Variants in PRKN observed in about 807,000 individuals in gnomAD.
The protein encoded by PRKN is E3 ubiquitin-protein ligase parkin.
In PRKN, 56 loss-of-function variants were observed where a neutral mutation model predicts 59.5. That is an observed-to-expected ratio of 0.94 (90% CI 0.76 to 1.18). PRKN has a LOEUF of 1.18. Among genes scored for constraint, PRKN ranks in the 50% most tolerant of loss-of-function variants. The pLI, the probability that PRKN is intolerant of heterozygous loss-of-function variation, is 0.00. For synonymous variants in PRKN, 250 were observed against 222.1 expected, an observed-to-expected ratio of 1.13 and a Z score of -1.12; for missense variants, 657 against 596.4, an observed-to-expected ratio of 1.10 and a Z score of -1.06.
intron 1 of PRKN, among the ~76,000 whole-genome samples, chr6:162,665,656 C>T (rs562683035): frequency 4.6e-5 from 7 of 152,272 alleles, no homozygotes; most frequent in South Asian, 2.1e-4. Context: ...CTGCCATTGA[C>T]ATTCTTCACA....
At chr6:162,234,638 C>T (rs4385285) in intron 3 of PRKN, among the ~76,000 whole-genome samples, 63,611 of 152,006 alleles carry the variant, frequency 0.42, 15,215 homozygotes, top group East Asian at 0.78. Context: ...AAGAGCTGTG[C>T]TAATACTTTT....
At chr6:162,659,900 C>A (rs1259392185) in intron 1 of PRKN, among the ~76,000 whole-genome samples, 2 of 152,048 alleles carry the variant, frequency 1.3e-5, no homozygotes, top group Non-Finnish European at 2.9e-5. Context: ...TATTTATCAG[C>A]AAAGAAAACA....
rs141127442 is a variant in PRKN at position 162,341,574 on chromosome 6, G to A, written c.172-78809C>T. Among the ~76,000 whole-genome samples the A allele has an allele frequency of 4.5e-3, 685 of 152,256 alleles. 7 individuals carry two copies. Among genetic ancestry groups the A allele is most frequent in the African/African-American group, 0.016 (648 of 41,540 alleles). On this transcript the variant is annotated intron_variant, in intron 2 of 11. Coordinates refer to ENST00000366898, the MANE Select transcript of PRKN (RefSeq NM_004562.3). ...CATATACACTGTGGAATACTATGCA[G>A]CTATAAAAAAGGATGAGTTCATGTC...
intron 9 of PRKN, among the ~76,000 whole-genome samples, chr6:161,449,412 CT>C (rs1789628111): frequency 6.6e-6 from 1 of 152,164 alleles, no homozygotes; most frequent in Non-Finnish European, 1.5e-5. Flanking sequence ...CGTATGTACT[CT>C]CCCACTGCTC....
intron 2 of PRKN, among the ~76,000 whole-genome samples, chr6:162,407,814 C>A (rs1442382130): frequency 6.6e-6 from 1 of 152,152 alleles, no homozygotes; most frequent in East Asian, 1.9e-4. Context: ...GTGTTAATGT[C>A]TTGCTAGAGC....
At chr6:162,665,977 A>C (rs1335436425) in intron 1 of PRKN, among the ~76,000 whole-genome samples, 2 of 152,218 alleles carry the variant, frequency 1.3e-5, no homozygotes, top group Non-Finnish European at 1.5e-5. Flanking sequence ...GGCTCGACAT[A>C]TGCGGAAAAC....
rs759676993 is a variant in PRKN, at chr6:161,386,873, G to T, written c.1088C>A (p.Ala363Asp). 6.2e-7 allele frequency: 1 copy of T among 1,613,446 alleles called. No individual in the cohort carries two copies. Among genetic ancestry groups the T allele is most frequent in the African/African-American group, 1.3e-5 (1 of 74,894 alleles). Residue 363 changes from alanine (A) to aspartate (D), a missense_variant, in exon 10 of 12, where the codon GCC becomes GAC. Physicochemically the swap from Ala to Asp is moderately radical, Grantham distance 126 (BLOSUM62 -2). Transcript: ENST00000366898. This position sits in a 1 kb window ranked among gnomAD's most constrained non-coding sequence, Gnocchi z 4.3. Reference sequence around the variant, plus strand: ...CGCTTCTTTACATTCCCGGCAGAAGGCAAACTGCAAAAGAACACACATCCA... The same window carrying T: ...CGCTTCTTTACATTCCCGGCAGAAGTCAAACTGCAAAAGAACACACATCCA... ...EGGNGLGCGF[A>D]FCRECKEAYH...
At chr6:162,069,588 C>A (rs1366833247) in intron 4 of PRKN, among the ~76,000 whole-genome samples, 1 of 152,206 alleles carries the variant, frequency 6.6e-6, no homozygotes, top group South Asian at 2.1e-4. Flanking sequence ...AATTTATTCC[C>A]TATGATTTCT....
chr6:162,493,433 G>GC (rs1365347325), intron 1 of PRKN, among the ~76,000 whole-genome samples: 2 of 152,176 alleles, frequency 1.3e-5, no homozygotes, highest in Non-Finnish European at 2.9e-5. Flanking sequence ...AGGACACTCA[G>GC]CAATGCCATC....
chr6:162,136,225 T>C (rs761054752), intron 4 of PRKN, among the ~76,000 whole-genome samples: 38 of 151,980 alleles, frequency 2.5e-4, no homozygotes, highest in Non-Finnish European at 2.1e-4. Context: ...TATACATGCA[T>C]ATCTCACACA....
In PRKN at chr6:161,461,633, T is replaced by C. The variant is rs533355784; in HGVS notation, c.1084-74756A>G. 5.1e-4 allele frequency among the ~76,000 whole-genome samples: 78 copies of C among 152,220 alleles called. No homozygotes were observed. Among genetic ancestry groups the C allele is most frequent in the Middle Eastern group, 3.4e-3 (1 of 294 alleles). Reference sequence around the variant, plus strand: ...TGGAGATAAAAGGGTCTGGAATACATGCACGGAGGATTCTAAGTGCCACTC... The same window carrying C: ...TGGAGATAAAAGGGTCTGGAATACACGCACGGAGGATTCTAAGTGCCACTC... On this transcript the variant is annotated intron_variant, in intron 9 of 11. Coordinates refer to ENST00000366898, the MANE Select transcript of PRKN (RefSeq NM_004562.3). The surrounding 1 kb of genome is among the most constrained non-coding windows in gnomAD (Gnocchi z 5.1).
At chr6:161,868,386 C>T (rs1393264958) in intron 6 of PRKN, among the ~76,000 whole-genome samples, 2 of 151,794 alleles carry the variant, frequency 1.3e-5, no homozygotes, top group African/African-American at 4.8e-5. Context: ...CAAGACCAGC[C>T]TGGCTAACGT....
Position 162,011,097 on chromosome 6 carries a change from A to ATAAT in PRKN, c.619-37681_619-37680insATTA, listed in dbSNP as rs1234624614. ...ATTTATAATATATATTATAATATAT[A>ATAAT]ATATATTTATAATATATAATATATT... On this transcript the variant is annotated intron_variant, in intron 5 of 11. Coordinates refer to ENST00000366898, the MANE Select transcript of PRKN (RefSeq NM_004562.3). Among the ~76,000 whole-genome samples the ATAAT allele has an allele frequency of 8.7e-4, 4 of 4,610 alleles. 1 individual carries two copies. Among genetic ancestry groups the ATAAT allele is most frequent in the African/African-American group, 4.0e-3 (4 of 996 alleles). 3.0% of individuals were successfully genotyped at this position (4,610 alleles called of 152,430 possible).
intron 3 of PRKN, among the ~76,000 whole-genome samples, chr6:162,212,863 T>C (rs889567931): frequency 1.3e-5 from 2 of 152,182 alleles, no homozygotes; most frequent in Non-Finnish European, 2.9e-5. Context: ...TGTAACACAA[T>C]GGTAAGTATT....
intron 6 of PRKN, among the ~76,000 whole-genome samples, chr6:161,877,423 A>G (rs1438329034): frequency 1.3e-5 from 2 of 151,852 alleles, no homozygotes; most frequent in Non-Finnish European, 2.9e-5. Flanking sequence ...TTTAAGCAAG[A>G]CTAAAGGCTG....
rs768568929 is a variant in PRKN at position 161,582,971 on chromosome 6, A to AACACACACACAC, written c.872-13567_872-13556dup. Among the ~76,000 whole-genome samples, 4 of 117,158 alleles carry AACACACACACAC rather than the reference A, an allele frequency of 3.4e-5. No homozygotes were observed. Among genetic ancestry groups the AACACACACACAC allele is most frequent in the African/African-American group, 2.9e-5 (1 of 34,450 alleles). 76.9% of individuals were successfully genotyped at this position (117,158 alleles called of 152,430 possible). On this transcript the variant is annotated intron_variant, in intron 7 of 11. Coordinates refer to ENST00000366898, the MANE Select transcript of PRKN (RefSeq NM_004562.3). The surrounding 1 kb of genome is among the most constrained non-coding windows in gnomAD (Gnocchi z 4.4). ...TCTTTCCAGTGAGATGGCCTATTCC[A>AACACACACACAC]ACACACACACACACACACACACACA...
intron 2 of PRKN, among the ~76,000 whole-genome samples, chr6:162,354,578 G>C (rs1483911339): frequency 1.3e-5 from 2 of 152,040 alleles, no homozygotes; most frequent in African/African-American, 2.4e-5. Flanking sequence ...CTAATTAGCA[G>C]CTGGAAAAGC....
At chr6:161,693,009 T>C (rs973928077) in intron 7 of PRKN, among the ~76,000 whole-genome samples, 1 of 151,862 alleles carries the variant, frequency 6.6e-6, no homozygotes, top group African/African-American at 2.4e-5. Context: ...AAATAAAATT[T>C]AGCAATCCTG....
At chr6:161,520,991 T>A (rs1283631439) in intron 9 of PRKN, among the ~76,000 whole-genome samples, 1 of 152,196 alleles carries the variant, frequency 6.6e-6, no homozygotes, top group East Asian at 1.9e-4. Context: ...AGATCATTGG[T>A]CATTATTACG....
Sources: allele counts gnomAD v4.1 joint callset (sites outside exome capture counted in the v4.1 genomes callset), GRCh38; gene constraint gnomAD v4.1.1; non-coding constraint Gnocchi (gnomAD v3.1); transcripts MANE v1.5; gene names NCBI Gene and HGNC (gene_info 2026-07-23, HGNC 2026-07-21).